NLGN1: variants seen among roughly 807,000 people sequenced by gnomAD.
NLGN1 encodes the protein neuroligin-1.
In NLGN1, 12 loss-of-function variants were observed where a neutral mutation model predicts 65.5. The observed-to-expected ratio is 0.18, with a 90% CI of 0.12 to 0.30. The LOEUF is 0.30. Among genes scored for constraint, NLGN1 ranks in the 10% least tolerant of loss-of-function variants. The pLI is 1.00. For missense variants in NLGN1, 750 were observed against 1,007.1 expected, an observed-to-expected ratio of 0.74 and a Z score of 3.46; for synonymous variants, 350 against 359.5, an observed-to-expected ratio of 0.97 and a Z score of 0.30.
intron 4 of NLGN1, among the ~76,000 whole-genome samples, chr3:174,238,325 A>AT (rs35613869): frequency 2.8e-4 from 41 of 148,186 alleles, no homozygotes; most frequent in South Asian, 6.4e-4. Context: ...TTTCTTTTTT[A>AT]TTTTTTTTTA....
chr3:173,779,310 C>CTTACA (rs61399276), intron 3 of NLGN1, among the ~76,000 whole-genome samples: 1 of 151,222 alleles, frequency 6.6e-6, no homozygotes, highest in Non-Finnish European at 1.5e-5. Flanking sequence ...TTATTTTCCT[C>CTTACA]TTAGATGTCT....
At chr3:173,442,817 A>G (rs895276668) in intron 2 of NLGN1, among the ~76,000 whole-genome samples, 2 of 152,162 alleles carry the variant, frequency 1.3e-5, no homozygotes, top group African/African-American at 4.8e-5. Context: ...TGTAGTAATA[A>G]ATCTTTCAAA....
intron 4 of NLGN1, among the ~76,000 whole-genome samples, chr3:174,014,040 A>G (rs1579768129): frequency 6.6e-6 from 1 of 152,084 alleles, no homozygotes; most frequent in Non-Finnish European, 1.5e-5. Flanking sequence ...TAAAGATACT[A>G]CTAATAGTAC....
At chr3:173,471,472 G>C (rs1350763848) in intron 2 of NLGN1, among the ~76,000 whole-genome samples, 1 of 152,014 alleles carries the variant, frequency 6.6e-6, no homozygotes, top group Non-Finnish European at 1.5e-5. Flanking sequence ...TTCTATCTGT[G>C]TATGTAGCTC....
rs145732923 is a variant in NLGN1 at position 173,523,786 on chromosome 3, G to T, written c.-320-80493G>T. Among the ~76,000 whole-genome samples, 337 of 151,524 alleles carry T rather than the reference G, an allele frequency of 2.2e-3. 4 individuals carry two copies. Among genetic ancestry groups the T allele is most frequent in the African/African-American group, 7.3e-3 (304 of 41,384 alleles). ...ATTTTTGATTGCTTTTTATAATTCT[G>T]TGAAAAATGGCATTGACCATTTGAT... On this transcript the variant is annotated intron_variant, in intron 2 of 6. Transcript: ENST00000457714.
chr3:173,419,595 C>T (rs1714585179), intron 1 of NLGN1, among the ~76,000 whole-genome samples: 1 of 152,134 alleles, frequency 6.6e-6, no homozygotes, highest in African/African-American at 2.4e-5. Flanking sequence ...CATATTTCAG[C>T]CTCTCAAAGC....
chr3:173,449,750 A>G (rs921224825), intron 2 of NLGN1, among the ~76,000 whole-genome samples: 1 of 152,134 alleles, frequency 6.6e-6, no homozygotes, highest in Admixed American at 6.5e-5. Flanking sequence ...GTGCTGCTGT[A>G]TTGGGTGCGT....
intron 3 of NLGN1, among the ~76,000 whole-genome samples, chr3:173,707,135 C>T (rs529262733): frequency 2.6e-5 from 4 of 152,290 alleles, no homozygotes; most frequent in South Asian, 4.1e-4. Context: ...GCAGGAACCA[C>T]GTCTGACCTA....
At chr3:173,822,544 A>G (rs534692882) in intron 4 of NLGN1, among the ~76,000 whole-genome samples, 1 of 152,272 alleles carries the variant, frequency 6.6e-6, no homozygotes, top group South Asian at 2.1e-4. Flanking sequence ...TGTATATGAT[A>G]CAAATTTTGT....
intron 3 of NLGN1, among the ~76,000 whole-genome samples, chr3:173,626,075 T>A (rs1052563241): frequency 1.3e-5 from 2 of 152,096 alleles, no homozygotes; most frequent in African/African-American, 2.4e-5. Flanking sequence ...CAATAGAGCT[T>A]TCTGTGGTCA....
rs572470701 is a variant in NLGN1 at position 173,787,531 on chromosome 3, T to C, written c.494-20149T>C. On this transcript the variant is annotated intron_variant, in intron 3 of 6. Coordinates refer to ENST00000457714, the Ensembl canonical transcript of NLGN1. ...AATATGGTATCTTTGATAAATGTTATTATTCTGGACTCTTACAAAAAGTAG... is the reference window on the plus strand; with the variant it reads ...AATATGGTATCTTTGATAAATGTTACTATTCTGGACTCTTACAAAAAGTAG... 1.0e-3 allele frequency among the ~76,000 whole-genome samples: 152 copies of C among 152,326 alleles called. 1 individual carries two copies. Among genetic ancestry groups the C allele is most frequent in the Non-Finnish European group, 1.9e-3 (132 of 68,010 alleles).
At chr3:174,146,981 A>G (rs373012292) in intron 4 of NLGN1, among the ~76,000 whole-genome samples, 8 of 152,258 alleles carry the variant, frequency 5.3e-5, no homozygotes, top group African/African-American at 1.9e-4. Context: ...AATTCCGTTC[A>G]TAAAAGTTAT....
the NLGN1 span, among the ~76,000 whole-genome samples, chr3:174,293,973 A>G: frequency 2.0e-5 from 3 of 151,714 alleles, no homozygotes; most frequent in African/African-American, 7.2e-5. Flanking sequence ...ATTTGTGCAC[A>G]TGAATGTAAG....
intron 3 of NLGN1, among the ~76,000 whole-genome samples, chr3:173,634,426 A>G (rs1462262071): frequency 2.6e-5 from 4 of 152,250 alleles, no homozygotes; most frequent in African/African-American, 9.6e-5. Context: ...TTTTACTTGC[A>G]TATTTCAAAT....
chr3:173,651,444 A>G (rs1759161914), intron 3 of NLGN1, among the ~76,000 whole-genome samples: 1 of 151,946 alleles, frequency 6.6e-6, no homozygotes, highest in Admixed American at 6.6e-5. Flanking sequence ...GATATTTTTG[A>G]TATAATGATT....
At chr3:173,819,253 C>G (rs1481865893) in intron 4 of NLGN1, among the ~76,000 whole-genome samples, 1 of 151,930 alleles carries the variant, frequency 6.6e-6, no homozygotes, top group African/African-American at 2.4e-5. Context: ...TTTGGCTGAC[C>G]CCTCATCCTC....
chr3:173,810,044 A>G (rs1450267395), intron 4 of NLGN1, among the ~76,000 whole-genome samples: 1 of 152,226 alleles, frequency 6.6e-6, no homozygotes, highest in Non-Finnish European at 1.5e-5. Flanking sequence ...TCTCAACGTG[A>G]CAAAACATAA....
intron 4 of NLGN1, among the ~76,000 whole-genome samples, chr3:174,186,618 T>G (rs1310737974): frequency 6.6e-6 from 1 of 152,028 alleles, no homozygotes; most frequent in Non-Finnish European, 1.5e-5. Flanking sequence ...CTGTGATATC[T>G]CCCTTAAGAA....
At chr3:173,935,246 A>G (rs1235637095) in intron 4 of NLGN1, among the ~76,000 whole-genome samples, 2 of 151,978 alleles carry the variant, frequency 1.3e-5, no homozygotes, top group Admixed American at 6.6e-5. Context: ...GTTAATTTAC[A>G]GTTAAACTAT....
Sources: allele counts gnomAD v4.1 joint callset (sites outside exome capture counted in the v4.1 genomes callset), GRCh38; gene constraint gnomAD v4.1.1; transcripts MANE v1.5; gene names NCBI Gene and HGNC (gene_info 2026-07-23, HGNC 2026-07-21).